The following PAK3 variants were observed in gnomAD, a reference collection of about 807,000 sequenced individuals.
PAK3 encodes the protein serine/threonine-protein kinase PAK 3.
Under a neutral mutation model 41.0 loss-of-function variants are expected in PAK3, and 4 were observed. The ratio of observed to expected loss-of-function variants is 0.10; its 90% CI spans 0.05 to 0.22. The LOEUF (loss-of-function observed/expected upper bound fraction) is 0.22. Ranked by LOEUF, PAK3 falls within the 10% of genes least tolerant of loss-of-function variation. The pLI is 1.00. For synonymous variants in PAK3, 146 were observed against 139.6 expected, an observed-to-expected ratio of 1.05 and a Z score of -0.32; for missense variants, 205 against 409.9, an observed-to-expected ratio of 0.50 and a Z score of 4.32.
At chrX:111,178,377 A>C (rs1287669826) in intron 11 of PAK3, among the ~76,000 whole-genome samples, 1 of 111,601 alleles carries the variant, frequency 9.0e-6, no homozygotes, top group Non-Finnish European at 1.9e-5. Context: ...AGAGGAATAA[A>C]GGGAGAATTT....
chrX:111,201,281 C>T (rs1415083829), intron 16 of PAK3, among the ~76,000 whole-genome samples: 1 of 111,966 alleles, frequency 8.9e-6, no homozygotes, highest in Non-Finnish European at 1.9e-5. Flanking sequence ...GAAGGAAACA[C>T]AATGTCTCAG....
At chrX:110,982,496 C>A (rs963841583) in intron 1 of PAK3, among the ~76,000 whole-genome samples, 1 of 112,051 alleles carries the variant, frequency 8.9e-6, no homozygotes, top group Non-Finnish European at 1.9e-5. Context: ...ACATAGGTTG[C>A]GCTGAAGAAA....
intron 1 of PAK3, among the ~76,000 whole-genome samples, chrX:111,067,411 G>A (rs977298891): frequency 2.4e-4 from 27 of 111,584 alleles, no homozygotes; most frequent in Non-Finnish European, 4.9e-4. Context: ...GAAAAGTGAA[G>A]CTCAGAAAGA....
At chrX:111,122,905 G>A (rs969900634) in intron 4 of PAK3, among the ~76,000 whole-genome samples, 172 bp from the exon 5 acceptor site, 21 of 111,240 alleles carry the variant, frequency 1.9e-4, no homozygotes, top group African/African-American at 6.5e-4. Context: ...CAGGGTTTTT[G>A]GGAGGTAACT....
intron 1 of PAK3, among the ~76,000 whole-genome samples, chrX:110,971,559 T>C (rs1010809488): frequency 8.9e-6 from 1 of 112,298 alleles, no homozygotes; most frequent in African/African-American, 3.2e-5. Context: ...ACAAGAGTTC[T>C]TTAGATTCTA....
At chrX:110,947,625 A>G (rs1264843983) in intron 1 of PAK3, among the ~76,000 whole-genome samples, 3 of 111,999 alleles carry the variant, frequency 2.7e-5, no homozygotes, top group Non-Finnish European at 3.8e-5. Flanking sequence ...AGGGCTTCTA[A>G]AAGTCTTTAC....
Position 111,152,141 on chromosome X carries a change from A to G in PAK3, c.431-269A>G, listed in dbSNP as rs775978675. ...GAATCATACCTGTTAAGAGTAGGTA[A>G]TCTTGTCATTCTTCCATATAAATGA... On this transcript the variant is annotated intron_variant, in intron 7 of 17. Transcript: ENST00000372007. Among the ~76,000 whole-genome samples the G allele has an allele frequency of 2.7e-5, 3 of 112,315 alleles. No individual in the cohort carries two copies. In the East Asian group the frequency reaches 8.4e-4, roughly 31 times the overall value.
intron 4 of PAK3, among the ~76,000 whole-genome samples, chrX:111,119,591 T>C (rs753313777): frequency 1.8e-5 from 2 of 112,249 alleles, no homozygotes; most frequent in African/African-American, 6.5e-5. Flanking sequence ...AATAGTCTCT[T>C]TCAAGATCTT....
chrX:111,149,570 C>G (rs7876962), intron 7 of PAK3, among the ~76,000 whole-genome samples: 1 of 111,791 alleles, frequency 8.9e-6, no homozygotes, highest in Non-Finnish European at 1.9e-5. Flanking sequence ...TCTTGACTTC[C>G]GTGCACATGC....
chrX:111,178,948 C>T (rs2094434417), intron 11 of PAK3, among the ~76,000 whole-genome samples: 1 of 98,590 alleles, frequency 1.0e-5, no homozygotes. Context: ...CACCTGCATA[C>T]ATAAACTGTT....
At chrX:111,072,712 T>C (rs758084391) in intron 1 of PAK3, among the ~76,000 whole-genome samples, 16 of 111,965 alleles carry the variant, frequency 1.4e-4, no homozygotes, top group Non-Finnish European at 2.8e-4. Flanking sequence ...AGAAACTGAA[T>C]TTGTAGGGAT....
intron 1 of PAK3, among the ~76,000 whole-genome samples, chrX:110,951,755 G>A (rs1039586109): frequency 8.9e-6 from 1 of 112,507 alleles, no homozygotes; most frequent in African/African-American, 3.2e-5. Flanking sequence ...AACTAGAACT[G>A]TGTCGAAAGC....
At chrX:111,110,343 T>C (rs2093348688) in intron 4 of PAK3, among the ~76,000 whole-genome samples, 2 of 111,781 alleles carry the variant, frequency 1.8e-5, no homozygotes, top group South Asian at 7.5e-4. Flanking sequence ...GTGGCAGTAC[T>C]AGGCTTAGAA....
chrX:111,121,595 TTTG>T (rs768047580), intron 4 of PAK3, among the ~76,000 whole-genome samples: 69 of 112,147 alleles, frequency 6.2e-4, no homozygotes, highest in African/African-American at 2.2e-3. Context: ...GACCCCTGTT[TTTG>T]TTTTTATTGT....
chrX:111,105,838 TTCACTGAAAACCG>T (rs1424650356), intron 4 of PAK3, among the ~76,000 whole-genome samples: 1 of 111,433 alleles, frequency 9.0e-6, no homozygotes, highest in Non-Finnish European at 1.9e-5. Flanking sequence ...CTCAGCCATT[TTCACTGAAAACCG>T]TCACTCTACC....
intron 17 of PAK3, chrX:111,217,459 A>C: frequency 1.1e-6 from 1 of 894,341 alleles, no homozygotes; most frequent in Non-Finnish European, 1.5e-6. Flanking sequence ...AAGGTGCAAC[A>C]CTTGGTTATA....
chrX:111,222,026 G>C lies in PAK3; in HGVS notation c.*1579G>C, dbSNP rs960292749. The C allele has an allele frequency of 8.9e-6, 1 of 112,093 alleles. No individual in the cohort carries two copies. The highest frequency in any genetic ancestry group is 3.2e-5 in the African/African-American group (1 of 30,907). The allele number at this position is 112,093 out of a possible 1,213,427, so 9.2% of individuals were successfully genotyped here. A position where few individuals can be genotyped will look rare whatever the true frequency, so the allele number is the denominator to read the frequency against. ...GTAGAAAAATATCTGCGGAGTGTCTGTGTAGAAAAGGATATGCCTCTCTTT... is the reference window on the plus strand; with the variant it reads ...GTAGAAAAATATCTGCGGAGTGTCTCTGTAGAAAAGGATATGCCTCTCTTT... On this transcript the variant is annotated 3_prime_UTR_variant, in exon 18 of 18. Transcript: ENST00000372007.
chrX:111,072,319 A>G (rs766369257), intron 1 of PAK3, among the ~76,000 whole-genome samples: 2 of 113,074 alleles, frequency 1.8e-5, no homozygotes, highest in African/African-American at 6.4e-5. Flanking sequence ...TGCATGTTGC[A>G]TAACACCTTC....
In PAK3 at chrX:111,036,745, C is replaced by T. The variant is rs1355146847; in HGVS notation, c.-27-86332C>T. On this transcript the variant is annotated intron_variant, in intron 1 of 14. Coordinates refer to the PAK3 transcript ENST00000425146. ...CGCATGAGAGTGCCCATTTGAGACTCCTTGCCATCATTTAGTCCCCCGATT... is the reference window on the plus strand; with the variant it reads ...CGCATGAGAGTGCCCATTTGAGACTTCTTGCCATCATTTAGTCCCCCGATT... 3.6e-5 allele frequency among the ~76,000 whole-genome samples: 4 copies of T among 111,532 alleles called. No homozygotes were observed. In the Admixed American group the frequency reaches 3.8e-4, roughly 11 times the overall value.
Sources: gnomAD v4.1 joint callset for allele counts (sites outside exome capture counted in the v4.1 genomes callset) on GRCh38, gnomAD v4.1.1 for gene constraint, MANE v1.5 for transcripts, NCBI Gene and HGNC (gene_info 2026-07-23, HGNC 2026-07-21) for gene names.